PTPRR: variants seen among roughly 807,000 people sequenced by gnomAD.
PTPRR encodes protein tyrosine phosphatase receptor type R, also known as receptor-type tyrosine-protein phosphatase R.
Under a neutral mutation model 77.2 loss-of-function variants are expected in PTPRR, and 38 were observed. The ratio of observed to expected loss-of-function variants is 0.49; its 90% CI spans 0.38 to 0.65. The LOEUF is 0.65. Ranked by LOEUF, PTPRR falls within the 30% of genes least tolerant of loss-of-function variation. The pLI is 0.00. For missense variants in PTPRR, 744 were observed against 799.2 expected (o/e 0.93, Z 0.83); for synonymous variants, 299 against 283.1 (o/e 1.06, Z -0.57).
chr12:70,788,750 A>G lies in PTPRR; in HGVS notation c.358-23972T>C, dbSNP rs1891372392. ...AACAGATATAGACATAAATCTTAAT[A>G]TTTACCCTCCTAAGCTCTTAACATT... On this transcript the variant is annotated intron_variant, in intron 2 of 13. Transcript: ENST00000283228. The G allele has an allele frequency of 6.4e-6, 7 of 1,091,884 alleles. No homozygotes were observed. In the Admixed American group the frequency reaches 1.0e-4, roughly 16 times the overall value. 67.6% of individuals were successfully genotyped at this position (1,091,884 alleles called of 1,614,324 possible).
chr12:70,915,416 G>A (rs1438242998), intron 1 of PTPRR, among the ~76,000 whole-genome samples: 1 of 152,152 alleles, frequency 6.6e-6, no homozygotes, highest in Non-Finnish European at 1.5e-5. Flanking sequence ...TCTATTGGAG[G>A]TGCTAGAAAT....
chr12:70,821,648 A>G (rs1472383630), intron 2 of PTPRR, among the ~76,000 whole-genome samples: 2 of 151,302 alleles, frequency 1.3e-5, no homozygotes, highest in African/African-American at 4.9e-5. Context: ...AAACCTATGT[A>G]TGTATGTATG....
intron 10 of PTPRR, among the ~76,000 whole-genome samples, chr12:70,673,839 A>AT (rs1312981700): frequency 6.6e-6 from 1 of 152,036 alleles, no homozygotes; most frequent in Non-Finnish European, 1.5e-5. Context: ...AATTATAGTC[A>AT]TTTTTAATGG....
At chr12:70,668,195 T>C (rs916771675) in intron 10 of PTPRR, among the ~76,000 whole-genome samples, 2 of 151,666 alleles carry the variant, frequency 1.3e-5, no homozygotes, top group African/African-American at 2.4e-5. Context: ...CATAGTGTAA[T>C]GGTGAGGAGG....
intron 8 of PTPRR, among the ~76,000 whole-genome samples, chr12:70,696,568 G>C (rs1888240216): frequency 6.6e-6 from 1 of 152,096 alleles, no homozygotes; most frequent in Non-Finnish European, 1.5e-5. Flanking sequence ...AAGGACTCCA[G>C]GTCATTGTCA....
intron 2 of PTPRR, among the ~76,000 whole-genome samples, chr12:70,766,427 A>T (rs1260417630): frequency 6.6e-6 from 1 of 152,208 alleles, no homozygotes; most frequent in East Asian, 1.9e-4. Flanking sequence ...ATGGAAGATG[A>T]AATGAATGAA....
At chr12:70,866,250 G>T (rs1892843826) in intron 2 of PTPRR, among the ~76,000 whole-genome samples, 1 of 152,114 alleles carries the variant, frequency 6.6e-6, no homozygotes, top group South Asian at 2.1e-4. Context: ...CCAGGAGGTG[G>T]TTTTGTGAAA....
At position 70,869,179 on chromosome 12, in the gene PTPRR, TATA is replaced by T. The variant is rs533529771; in HGVS notation, c.357+23497_357+23499del. On this transcript the variant is annotated intron_variant, in intron 2 of 13. Coordinates refer to ENST00000283228, the MANE Select transcript of PTPRR (RefSeq NM_002849.4). ...TGCACTTGTACCCTAAAACTTAAAGTATAATAATAATAAAATTAAAAAAAATAC... is the reference window on the plus strand; with the variant it reads ...TGCACTTGTACCCTAAAACTTAAAGTATAATAATAAAATTAAAAAAAATAC... Among the ~76,000 whole-genome samples, 10 of 151,960 alleles carry T rather than the reference TATA, an allele frequency of 6.6e-5. No homozygotes were observed. The East Asian group carries it at 7.7e-4, about 12-fold the overall frequency.
chr12:70,727,462 T>A (rs1408371461), intron 6 of PTPRR, among the ~76,000 whole-genome samples: 5 of 152,204 alleles, frequency 3.3e-5, no homozygotes, highest in African/African-American at 1.2e-4. Flanking sequence ...ACATAACTTA[T>A]GAGTTAATTT....
intron 6 of PTPRR, among the ~76,000 whole-genome samples, chr12:70,739,752 A>G (rs141240981): frequency 2.7e-4 from 41 of 152,310 alleles, no homozygotes; most frequent in African/African-American, 9.6e-4. Context: ...CTGTGGGCAC[A>G]AATAGGTTAC....
chr12:70,692,384 G>A (rs1314831153), intron 8 of PTPRR, among the ~76,000 whole-genome samples: 1 of 152,176 alleles, frequency 6.6e-6, no homozygotes, highest in African/African-American at 2.4e-5. Flanking sequence ...CACTTGAAAT[G>A]TGGCTAGTAA....
intron 2 of PTPRR, among the ~76,000 whole-genome samples, chr12:70,777,636 G>T (rs1264399969): frequency 6.6e-6 from 1 of 152,160 alleles, no homozygotes; most frequent in Non-Finnish European, 1.5e-5. Flanking sequence ...TAAAAGTAAA[G>T]TGATACCTTC....
intron 10 of PTPRR, chr12:70,664,675 T>G (rs1183699455): frequency 6.6e-6 from 1 of 151,936 alleles, no homozygotes; most frequent in Admixed American, 6.6e-5. Context: ...GCTGCTCGCT[T>G]CTCTCCCAAG....
chr12:70,655,785 T>C (rs953463442), intron 13 of PTPRR, among the ~76,000 whole-genome samples: 1 of 152,230 alleles, frequency 6.6e-6, no homozygotes, highest in Admixed American at 6.5e-5. Flanking sequence ...TTTTTCAACA[T>C]GAACAGAATT....
chr12:70,786,196 CT>C (rs1260316793), intron 2 of PTPRR, among the ~76,000 whole-genome samples: 1 of 152,200 alleles, frequency 6.6e-6, no homozygotes, highest in East Asian at 1.9e-4. Flanking sequence ...CATCACAGCC[CT>C]GACCTCTTCA....
At chr12:70,824,809 T>C (rs1256966775) in intron 2 of PTPRR, among the ~76,000 whole-genome samples, 1 of 152,214 alleles carries the variant, frequency 6.6e-6, no homozygotes, top group Non-Finnish European at 1.5e-5. Context: ...CCTTCGGGAC[T>C]AAACAAAGCT....
intron 4 of PTPRR, among the ~76,000 whole-genome samples, chr12:70,759,808 A>G (rs1345115529): frequency 6.6e-6 from 1 of 152,142 alleles, no homozygotes; most frequent in East Asian, 1.9e-4. Flanking sequence ...GCTGAAATGT[A>G]AACTAGGAAA....
At chr12:70,697,996 T>A (rs1407475058) in intron 8 of PTPRR, among the ~76,000 whole-genome samples, 1 of 152,120 alleles carries the variant, frequency 6.6e-6, no homozygotes, top group South Asian at 2.1e-4. Context: ...TGATATGAAG[T>A]GGGTGTTGTA....
At chr12:70,765,829 G>A (rs1165802053) in intron 2 of PTPRR, among the ~76,000 whole-genome samples, 1 of 152,166 alleles carries the variant, frequency 6.6e-6, no homozygotes, top group Admixed American at 6.5e-5. Flanking sequence ...CAAGAGGAAC[G>A]ATCAGACAGC....
Sources: allele counts gnomAD v4.1 joint callset (sites outside exome capture counted in the v4.1 genomes callset), GRCh38; gene constraint gnomAD v4.1.1; transcripts MANE v1.5; gene names NCBI Gene and HGNC (gene_info 2026-07-23, HGNC 2026-07-21).